HORMAD2: variants seen among roughly 807,000 people sequenced by gnomAD.
The protein encoded by HORMAD2 is HORMA domain-containing protein 2.
HORMAD2 carries 45 observed loss-of-function variants against 38.8 expected under a neutral mutation model. The observed-to-expected ratio is 1.16, with a 90% confidence interval of 0.91 to 1.49. HORMAD2 has a LOEUF of 1.49. Ranked by LOEUF, HORMAD2 falls within the 40% of genes most tolerant of loss-of-function variation. The pLI is 0.00. For missense variants in HORMAD2, 338 were observed against 367.0 expected (o/e 0.92, Z 0.65); for synonymous variants, 126 against 122.8 (o/e 1.03, Z -0.17).
chr22:30,183,173 GA>G, the HORMAD2 span, among the ~76,000 whole-genome samples: 2 of 152,214 alleles, frequency 1.3e-5, no homozygotes, highest in Non-Finnish European at 2.9e-5. Context: ...CTCAGGGACA[GA>G]AAAATCAACC....
Position 30,121,674 on chromosome 22 carries a change from A to G in HORMAD2, c.453A>G (p.Glu151=). 6.2e-7 allele frequency: 1 copy of G among 1,605,024 alleles called. No individual in the cohort carries two copies. The highest frequency in any genetic ancestry group is 8.5e-7 in the Non-Finnish European group (1 of 1,175,442). ...GCTTTGAAAGTGGAACAAACAATGA[A>G]GATATTAAGAAAGCCAGTGTTCTAC... The part of the protein sequence containing the change: ...STSFESGTNN[E]DIKKASVLLI... Residue 151 remains glutamate, a synonymous_variant, in exon 9 of 11, where the codon GAA becomes GAG. Transcript: ENST00000336726.
At chr22:30,126,328 C>T (rs143023290) in intron 10 of HORMAD2, among the ~76,000 whole-genome samples, 100 of 152,126 alleles carry the variant, frequency 6.6e-4, no homozygotes, top group African/African-American at 2.2e-3. Context: ...GCCACCACAC[C>T]GCCTAATTTT....
At chr22:30,123,727 A>C (rs1283101013) in intron 10 of HORMAD2, among the ~76,000 whole-genome samples, 1 of 151,676 alleles carries the variant, frequency 6.6e-6, no homozygotes, top group Non-Finnish European at 1.5e-5. Context: ...GCTGGAGTGC[A>C]GTAGTTGATC....
chr22:30,181,571 G>A (rs989833815), downstream of HORMAD2, among the ~76,000 whole-genome samples: 4 of 152,116 alleles, frequency 2.6e-5, no homozygotes, highest in Non-Finnish European at 5.9e-5. Context: ...TCTCACCTAG[G>A]GATTGTGATA....
chr22:30,117,629 C>T (rs1447679840), intron 7 of HORMAD2, among the ~76,000 whole-genome samples: 2 of 152,138 alleles, frequency 1.3e-5, no homozygotes, highest in East Asian at 1.9e-4. Flanking sequence ...CTGCCTCAGC[C>T]TCCTGAGTAG....
the HORMAD2 span, among the ~76,000 whole-genome samples, chr22:30,204,423 T>A: frequency 3.3e-5 from 5 of 152,034 alleles, no homozygotes; most frequent in Non-Finnish European, 7.4e-5. Flanking sequence ...ATGACAGAGG[T>A]GAAGTGGCCA....
Position 30,086,329 on chromosome 22 carries a change from A to G in HORMAD2, c.-38+5838A>G, listed in dbSNP as rs138928143. Among the ~76,000 whole-genome samples, 37 of 152,320 alleles carry G rather than the reference A, an allele frequency of 2.4e-4. No homozygotes were observed. In the East Asian group the frequency reaches 6.6e-3, roughly 27 times the overall value. Reference sequence around the variant, plus strand: ...CAGTCTTAGGTAGTTCTTTATAGCAATGCAAGAATGGACTAATACACCATA... The same window carrying G: ...CAGTCTTAGGTAGTTCTTTATAGCAGTGCAAGAATGGACTAATACACCATA... On this transcript the variant is annotated intron_variant, in intron 1 of 10. Transcript: ENST00000336726.
At chr22:30,168,764 G>T (rs1178480263) in intron 10 of HORMAD2, among the ~76,000 whole-genome samples, 1 of 151,990 alleles carries the variant, frequency 6.6e-6, no homozygotes, top group Non-Finnish European at 1.5e-5. Flanking sequence ...CTTCACTGCG[G>T]CTTTTGGTCT....
chr22:30,107,689 G>T (rs1260278179), intron 5 of HORMAD2, among the ~76,000 whole-genome samples: 1 of 151,896 alleles, frequency 6.6e-6, no homozygotes, highest in East Asian at 1.9e-4. Context: ...GGCAGAGGTT[G>T]CAGTGAGCTG....
At chr22:30,190,869 G>A in the HORMAD2 span, among the ~76,000 whole-genome samples, 6 of 152,320 alleles carry the variant, frequency 3.9e-5, no homozygotes, top group East Asian at 3.9e-4. Flanking sequence ...ATGTCCTATC[G>A]TGGAGGAGTT....
chr22:30,173,108 G>A (rs1370851704), intron 10 of HORMAD2, among the ~76,000 whole-genome samples: 2 of 152,184 alleles, frequency 1.3e-5, no homozygotes, highest in Non-Finnish European at 2.9e-5. Flanking sequence ...GGCATTGAAG[G>A]TAAAGTCCAG....
chr22:30,203,810 A>C, the HORMAD2 span, among the ~76,000 whole-genome samples: 1 of 152,180 alleles, frequency 6.6e-6, no homozygotes, highest in Admixed American at 6.5e-5. Context: ...TTATACACAC[A>C]TTCACACACA....
rs540664444 is a variant in HORMAD2, at chr22:30,104,171, G to A, written c.258-230G>A. On this transcript the variant is annotated intron_variant, in intron 4 of 10. Transcript: ENST00000336726. ...ATATGTGTGTCAGTGTACTAAACAT[G>A]GGATCCAAAAAAATTTGGTTCACTA... Among the ~76,000 whole-genome samples, 6 of 151,994 alleles carry A rather than the reference G, an allele frequency of 3.9e-5. No individual in the cohort carries two copies. The South Asian group carries it at 6.2e-4, about 16-fold the overall frequency.
At chr22:30,110,378 A>G (rs1256285226) in intron 5 of HORMAD2, among the ~76,000 whole-genome samples, 4 of 142,944 alleles carry the variant, frequency 2.8e-5, no homozygotes, top group African/African-American at 7.9e-5. Flanking sequence ...AATTGTGAGC[A>G]TATACTTTTT....
At chr22:30,150,947 T>C (rs978320192) in intron 10 of HORMAD2, among the ~76,000 whole-genome samples, 1 of 152,238 alleles carries the variant, frequency 6.6e-6, no homozygotes, top group Non-Finnish European at 1.5e-5. Flanking sequence ...TGTTTGGCCC[T>C]GCAAAACTGG....
Position 30,104,311 on chromosome 22 carries a change from C to A in HORMAD2, c.258-90C>A. 3.0e-6 allele frequency: 3 copies of A among 1,008,492 alleles called. 1 individual carries two copies. Among genetic ancestry groups the A allele is most frequent in the Admixed American group, 3.9e-5 (2 of 51,580 alleles). 62.5% of individuals were successfully genotyped at this position (1,008,492 alleles called of 1,614,324 possible). On this transcript the variant is annotated intron_variant, in intron 4 of 10. Transcript: ENST00000336726. ...AGATGGTTATCAACTTAATGTACAT[C>A]AAAGCAAAAAGTGCAAATGAATTCT... is the stretch of plus-strand genomic sequence containing the variant.
intron 10 of HORMAD2, among the ~76,000 whole-genome samples, chr22:30,135,926 C>T (rs753979855): frequency 6.6e-6 from 1 of 152,134 alleles, no homozygotes; most frequent in African/African-American, 2.4e-5. Flanking sequence ...ATATGTAAAG[C>T]AGCAGGAAAA....
chr22:30,168,378 C>T (rs1174338163), intron 10 of HORMAD2, among the ~76,000 whole-genome samples: 1 of 152,096 alleles, frequency 6.6e-6, no homozygotes, highest in African/African-American at 2.4e-5. Context: ...TTCTTTTGTC[C>T]CAAGTGAATA....
At chr22:30,085,195 T>C (rs2146053495) in intron 1 of HORMAD2, among the ~76,000 whole-genome samples, 1 of 151,802 alleles carries the variant, frequency 6.6e-6, no homozygotes, top group South Asian at 2.1e-4. Flanking sequence ...ACATATTGTA[T>C]GGTTTCATTT....
Sources: gnomAD v4.1 joint callset for allele counts (sites outside exome capture counted in the v4.1 genomes callset) on GRCh38, gnomAD v4.1.1 for gene constraint, MANE v1.5 for transcripts, NCBI Gene and HGNC (gene_info 2026-07-23, HGNC 2026-07-21) for gene names.